Variants in REPS2 observed in about 807,000 individuals in gnomAD.
REPS2 encodes the protein RALBP1 associated Eps domain containing 2.
REPS2 carries 23 observed loss-of-function variants against 53.6 expected under a neutral mutation model. The ratio of observed to expected loss-of-function variants is 0.43; its 90% CI spans 0.31 to 0.61. REPS2 has a LOEUF of 0.61. Ranked by LOEUF, REPS2 falls within the 20% of genes least tolerant of loss-of-function variation. The pLI, the probability that REPS2 is intolerant of heterozygous loss-of-function variation, is 0.11. For missense variants in REPS2, 446 were observed against 534.9 expected, an observed-to-expected ratio of 0.83 and a Z score of 1.64; for synonymous variants, 238 against 218.6, an observed-to-expected ratio of 1.09 and a Z score of -0.78.
chrX:17,022,418 T>C (rs760793864), intron 3 of REPS2, 147 bp downstream of exon 3: 315 of 503,343 alleles, frequency 6.3e-4, no homozygotes, highest in South Asian at 9.1e-4. Context: ...AGTTTTCTCC[T>C]AGCAAGAAAG....
At chrX:16,961,136 T>C (rs2060656836) in intron 1 of REPS2, among the ~76,000 whole-genome samples, 1 of 111,465 alleles carries the variant, frequency 9.0e-6, no homozygotes, top group Non-Finnish European at 1.9e-5. Flanking sequence ...AGACCTAGAA[T>C]AGCCGAAACA....
chrX:16,965,795 G>A (rs768549402), intron 1 of REPS2, among the ~76,000 whole-genome samples: 34 of 112,475 alleles, frequency 3.0e-4, no homozygotes, highest in African/African-American at 1.0e-3. Context: ...CTGAGATCAC[G>A]CCACTGCACT....
intron 14 of REPS2, among the ~76,000 whole-genome samples, chrX:17,121,620 C>G (rs1221527646): frequency 8.9e-6 from 1 of 112,778 alleles, no homozygotes; most frequent in Admixed American, 9.3e-5. Flanking sequence ...TTTGAAGTTG[C>G]TAGGGGCAAA....
At chrX:17,185,869 C>T in the REPS2 span, among the ~76,000 whole-genome samples, 1 of 111,359 alleles carries the variant, frequency 9.0e-6, no homozygotes, top group Non-Finnish European at 1.9e-5. Flanking sequence ...CTCTTCCAGC[C>T]AGGCCTTGGG....
At chrX:17,177,317 C>T in the REPS2 span, among the ~76,000 whole-genome samples, 39 of 112,217 alleles carry the variant, frequency 3.5e-4, no homozygotes, top group Admixed American at 1.2e-3. Context: ...GTGGTCAGGA[C>T]TCAAACCTGT....
the REPS2 span, among the ~76,000 whole-genome samples, chrX:17,183,511 C>G: frequency 8.9e-6 from 1 of 112,350 alleles, no homozygotes; most frequent in African/African-American, 3.2e-5. Flanking sequence ...AATTTTGCTT[C>G]AAGCCAGCAT....
At chrX:17,050,143 T>TTCC (rs1360842696) in intron 6 of REPS2, among the ~76,000 whole-genome samples, 1 of 26,111 alleles carries the variant, frequency 3.8e-5, no homozygotes, top group African/African-American at 1.8e-4. Flanking sequence ...CCTTTCTTCC[T>TTCC]TTCTTTCTTT....
At chrX:16,970,876 T>C (rs760936391) in intron 1 of REPS2, among the ~76,000 whole-genome samples, 2 of 112,901 alleles carry the variant, frequency 1.8e-5, no homozygotes, top group East Asian at 5.5e-4. Flanking sequence ...CCACATTTTA[T>C]TTATCAATTC....
intron 1 of REPS2, among the ~76,000 whole-genome samples, chrX:16,969,134 C>T (rs1476405234): frequency 2.7e-5 from 3 of 109,246 alleles, no homozygotes; most frequent in South Asian, 4.0e-4. Context: ...GATGGGCGGC[C>T]GGGCAGAGAC....
At chrX:17,054,128 T>C (rs1370772300) in intron 7 of REPS2, among the ~76,000 whole-genome samples, 1 of 112,032 alleles carries the variant, frequency 8.9e-6, no homozygotes, top group Non-Finnish European at 1.9e-5. Flanking sequence ...TGGGAAATAA[T>C]GACTGAAGTT....
intron 1 of REPS2, among the ~76,000 whole-genome samples, chrX:16,980,427 C>T (rs1270980802): frequency 1.8e-5 from 2 of 111,105 alleles, no homozygotes; most frequent in Admixed American, 9.6e-5. Flanking sequence ...CTCAGCCTCC[C>T]GAGTAGTTGG....
chrX:17,097,050 A>G (rs991164340), intron 13 of REPS2, among the ~76,000 whole-genome samples: 3 of 112,291 alleles, frequency 2.7e-5, no homozygotes, highest in South Asian at 7.4e-4. Context: ...ACATGTGCAG[A>G]CATAGGATAA....
intron 1 of REPS2, among the ~76,000 whole-genome samples, chrX:17,001,597 C>G (rs1033980305): frequency 2.7e-5 from 3 of 112,141 alleles, no homozygotes; most frequent in African/African-American, 6.5e-5. Flanking sequence ...TGACTAAATC[C>G]TGGATGAGGA....
intron 16 of REPS2, chrX:17,136,188 T>C (rs774489703): frequency 2.7e-5 from 3 of 112,355 alleles, no homozygotes; most frequent in African/African-American, 9.7e-5. Flanking sequence ...TTTTGGGGTC[T>C]TGCAGGTCTC....
At chrX:17,129,850 A>G (rs192569618) in intron 14 of REPS2, among the ~76,000 whole-genome samples, 61 of 111,562 alleles carry the variant, frequency 5.5e-4, no homozygotes, top group Admixed American at 5.0e-3. Context: ...GGTAGAGCAA[A>G]CACTTCTCTG....
chrX:17,043,078 T>C (rs1457396413), intron 5 of REPS2, among the ~76,000 whole-genome samples: 1 of 111,818 alleles, frequency 8.9e-6, no homozygotes, highest in East Asian at 2.8e-4. Flanking sequence ...ATTATGGGTA[T>C]GAGCCAACAT....
intron 14 of REPS2, among the ~76,000 whole-genome samples, chrX:17,107,504 C>A (rs1282603703): frequency 1.8e-5 from 2 of 112,015 alleles, no homozygotes; most frequent in African/African-American, 6.5e-5. Flanking sequence ...AAGATTGTTT[C>A]TACATACACC....
Position 17,025,092 on chromosome X carries a change from G to A in REPS2, c.580G>A (p.Ala194Thr), listed in dbSNP as rs1270472525. ...ACAGTCTCCCACGATGTCACCCCTC[G>A]CCTCCCCTCCTTCTTCCCCGCCTCA... ...ETQSPTMSPL[A>T]SPPSSPPHYQ... Residue 194 changes from alanine (A) to threonine (T), a missense_variant, in exon 4 of 18, where the codon GCC (alanine) becomes ACC (threonine). Physicochemically the swap from Ala to Thr is moderately conservative, Grantham distance 58. Transcript: ENST00000357277. 5 of 1,211,335 alleles carry A rather than the reference G, an allele frequency of 4.1e-6. No individual in the cohort carries two copies. The highest frequency in any genetic ancestry group is 3.4e-6 in the Non-Finnish European group (3 of 895,334).
intron 6 of REPS2, among the ~76,000 whole-genome samples, chrX:17,050,703 T>C (rs1380426960): frequency 3.6e-5 from 4 of 110,240 alleles, no homozygotes; most frequent in African/African-American, 6.6e-5. Context: ...ATGTTTTAGT[T>C]TTTTTTTTAA....
Sources: allele counts gnomAD v4.1 joint callset (sites outside exome capture counted in the v4.1 genomes callset), GRCh38; gene constraint gnomAD v4.1.1; transcripts MANE v1.5; gene names NCBI Gene and HGNC (gene_info 2026-07-23, HGNC 2026-07-21).